MEGF6: variants seen among roughly 807,000 people sequenced by gnomAD.
MEGF6 encodes multiple EGF like domains 6, also known as multiple epidermal growth factor-like domains protein 6.
Under a neutral mutation model 207.1 loss-of-function variants are expected in MEGF6, and 184 were observed. The observed-to-expected ratio is 0.89, with a 90% CI of 0.79 to 1.00. The LOEUF is 1.00. Ranked by LOEUF, MEGF6 falls within the 50% of genes least tolerant of loss-of-function variation. The pLI, the probability that MEGF6 is intolerant of heterozygous loss-of-function variation, is 0.00. For missense variants in MEGF6, 2,282 were observed against 2,202.9 expected (o/e 1.04, Z -0.72); for synonymous variants, 1,038 against 910.0 (o/e 1.14, Z -2.53).
intron 2 of MEGF6, among the ~76,000 whole-genome samples, chr1:3,601,095 A>G (rs1346074351): frequency 6.6e-6 from 1 of 152,018 alleles, no homozygotes; most frequent in African/African-American, 2.4e-5. Flanking sequence ...GAGGCTGAGG[A>G]CCCCGGCACA....
In MEGF6 at chr1:3,507,783, G is replaced by C. The variant is rs1167093849; in HGVS notation, c.1789+12C>G. On this transcript the variant is annotated intron_variant, in intron 14 of 36. Transcript: ENST00000356575. ...GGGTAATTCCAGAAGCACCAGAAGAGGCTGCACGCACCATCCTCACAGTTA... is the reference window on the plus strand; with the variant it reads ...GGGTAATTCCAGAAGCACCAGAAGACGCTGCACGCACCATCCTCACAGTTA... The C allele has an allele frequency of 2.5e-6, 4 of 1,612,604 alleles. No individual in the cohort carries two copies. In the African/African-American group the frequency reaches 4.0e-5, roughly 16 times the overall value.
At chr1:3,544,717 C>T (rs1487733643) in intron 4 of MEGF6, among the ~76,000 whole-genome samples, 1 of 152,208 alleles carries the variant, frequency 6.6e-6, no homozygotes, top group Non-Finnish European at 1.5e-5. Context: ...CACACCATGC[C>T]CCACCAAGGC....
chr1:3,547,617 C>G (rs2101566570), intron 4 of MEGF6, among the ~76,000 whole-genome samples: 1 of 152,284 alleles, frequency 6.6e-6, no homozygotes, highest in African/African-American at 2.4e-5. Flanking sequence ...CAGGCCCCAT[C>G]CTCCCTTCCT....
At chr1:3,604,053 C>T (rs1386647982) in intron 1 of MEGF6, among the ~76,000 whole-genome samples, 1 of 152,220 alleles carries the variant, frequency 6.6e-6, no homozygotes, top group African/African-American at 2.4e-5. Context: ...GGGGCTCCAC[C>T]AGGCTGCTGT....
rs923987576 is a variant in MEGF6 at position 3,594,150 on chromosome 1, G to A, written c.376+1188C>T. Among the ~76,000 whole-genome samples, 1 of 152,208 alleles carries A rather than the reference G, an allele frequency of 6.6e-6. No homozygotes were observed. Among genetic ancestry groups the A allele is most frequent in the Admixed American group, 6.5e-5 (1 of 15,284 alleles). On this transcript the variant is annotated intron_variant, in intron 3 of 36. Transcript: ENST00000356575. This position sits in a 1 kb window ranked among gnomAD's most constrained non-coding sequence, Gnocchi z 4.2. The stretch of plus-strand genomic sequence containing the variant: ...AAACCTCAACGTGGAGCGTGCTGGC[G>A]GGACATGGTGGCTCACACCTGTAAT...
intron 28 of MEGF6, 79 bp from the exon 29 acceptor site, chr1:3,496,862 A>T (rs12405358): frequency 6.6e-7 from 1 of 1,521,166 alleles, no homozygotes; most frequent in African/African-American, 1.4e-5. Flanking sequence ...GGCAGCTCTC[A>T]TGAGACCCCC....
Position 3,493,766 on chromosome 1 carries a change from C to G in MEGF6, c.4387+5G>C. On this transcript the variant is annotated splice_donor_5th_base_variant and intron_variant, in intron 34 of 36. Transcript: ENST00000356575. Reference sequence around the variant, plus strand: ...CGCCCTTCCTGGGCAGGACCCCAGACTCACCCAGGTTACAGGTGGCTCCTG... The same window carrying G: ...CGCCCTTCCTGGGCAGGACCCCAGAGTCACCCAGGTTACAGGTGGCTCCTG... 1 of 1,611,292 alleles carries G rather than the reference C, an allele frequency of 6.2e-7. No individual in the cohort carries two copies. The highest frequency in any genetic ancestry group is 8.5e-7 in the Non-Finnish European group (1 of 1,178,882).
Position 3,494,509 on chromosome 1 carries a change from G to A in MEGF6, c.4001-10C>T, listed in dbSNP as rs772590186. The A allele has an allele frequency of 8.8e-6, 14 of 1,584,734 alleles. No individual in the cohort carries two copies. The highest frequency in any genetic ancestry group is 1.3e-5 in the African/African-American group (1 of 74,476). On this transcript the variant is annotated splice_polypyrimidine_tract_variant and intron_variant, in intron 31 of 36. Transcript: ENST00000356575. ...CGCCCAGGGGGACAGGCTGGGGACA[G>A]GGCAGGGTGGGCAGTCCTTCGGCAC... is the stretch of plus-strand genomic sequence containing the variant.
At position 3,494,289 on chromosome 1, in the gene MEGF6, C is replaced by T. The variant is rs560286745; in HGVS notation, c.4129+82G>A. ...GGCTCCCCACCTCCCCACCACTTCA[C>T]TGCTGCCTGGATCACCCACACGGGA... On this transcript the variant is annotated intron_variant, in intron 32 of 36. Coordinates refer to ENST00000356575, the MANE Select transcript of MEGF6 (RefSeq NM_001409.4). 5.0e-4 allele frequency: 741 copies of T among 1,485,020 alleles called. 5 individuals are homozygous for T. The African/African-American group carries it at 8.9e-3, about 18-fold the overall frequency. The allele number at this position is 1,485,020 out of a possible 1,614,324, so 92.0% of individuals were successfully genotyped here. A position where few individuals can be genotyped will look rare whatever the true frequency, so the allele number is the denominator to read the frequency against.
upstream of MEGF6, among the ~76,000 whole-genome samples, chr1:3,612,056 C>T (rs1217139921): frequency 2.0e-5 from 3 of 152,234 alleles, no homozygotes; most frequent in East Asian, 3.9e-4. Context: ...ACCTCACCCA[C>T]TTCCCGCAGG....
In MEGF6 at chr1:3,490,974, G is replaced by A; in HGVS notation, c.4517-15C>T. 1 of 1,591,130 alleles carries A rather than the reference G, an allele frequency of 6.3e-7. No individual in the cohort carries two copies. The highest frequency in any genetic ancestry group is 8.5e-7 in the Non-Finnish European group (1 of 1,171,994). ...GAGGGGCCCACCTGGAGGGGAGAGA[G>A]AGCAGGCCATGTTAGTACCCCCAGC... On this transcript the variant is annotated splice_polypyrimidine_tract_variant and intron_variant, in intron 35 of 36. Transcript: ENST00000356575.
At chr1:3,528,428 G>C (rs1441508553) in intron 4 of MEGF6, among the ~76,000 whole-genome samples, 1 of 152,230 alleles carries the variant, frequency 6.6e-6, no homozygotes, top group Non-Finnish European at 1.5e-5. Flanking sequence ...CGTAGGCGCA[G>C]TGGCCTTTCA....
intron 4 of MEGF6, among the ~76,000 whole-genome samples, chr1:3,526,115 C>T (rs1641952561): frequency 6.6e-6 from 1 of 152,326 alleles, no homozygotes; most frequent in South Asian, 2.1e-4. Flanking sequence ...GAGAACACGC[C>T]ATGACCCCCA....
At chr1:3,543,080 G>A (rs1290912837) in intron 4 of MEGF6, among the ~76,000 whole-genome samples, 1 of 152,228 alleles carries the variant, frequency 6.6e-6, no homozygotes, top group Admixed American at 6.5e-5. Flanking sequence ...AGCCCACTCC[G>A]GACTGCCCAG....
chr1:3,530,088 T>C (rs1642097804), intron 4 of MEGF6, among the ~76,000 whole-genome samples: 2 of 152,208 alleles, frequency 1.3e-5, no homozygotes, highest in African/African-American at 4.8e-5. Context: ...AGGCCTTGGA[T>C]GCTTCGCAGT....
chr1:3,611,450 C>G lies in MEGF6; in HGVS notation c.-182G>C. ...CCCGCCCGCGCCCAAAGTGGCACCG[C>G]GGAGACCTGATCGCCGGGTCCACCC... On this transcript the variant is annotated 5_prime_UTR_variant, in exon 1 of 37. Coordinates refer to ENST00000356575, the MANE Select transcript of MEGF6 (RefSeq NM_001409.4). The G allele has an allele frequency of 1.2e-6, 1 of 804,672 alleles. No homozygotes were observed. Among genetic ancestry groups the G allele is most frequent in the African/African-American group, 1.8e-5 (1 of 54,926 alleles). 49.8% of individuals were successfully genotyped at this position (804,672 alleles called of 1,614,324 possible).
intron 4 of MEGF6, among the ~76,000 whole-genome samples, chr1:3,579,415 C>T (rs1643736760): frequency 1.3e-5 from 2 of 152,320 alleles, no homozygotes; most frequent in South Asian, 2.1e-4. Flanking sequence ...AACCAGTCGC[C>T]TTGGCTAAGA....
chr1:3,619,174 C>A, the MEGF6 span, among the ~76,000 whole-genome samples: 7 of 152,328 alleles, frequency 4.6e-5, no homozygotes, highest in East Asian at 1.2e-3. Context: ...GAAGACCTCG[C>A]ATGGGTGATG....
intron 4 of MEGF6, among the ~76,000 whole-genome samples, chr1:3,540,505 C>T (rs1452789308): frequency 6.6e-6 from 1 of 152,224 alleles, no homozygotes. Flanking sequence ...GATGCTGAGG[C>T]CTCACCACAC....
Sources: allele counts gnomAD v4.1 joint callset (sites outside exome capture counted in the v4.1 genomes callset), GRCh38; gene constraint gnomAD v4.1.1; non-coding constraint Gnocchi (gnomAD v3.1); transcripts MANE v1.5; gene names NCBI Gene and HGNC (gene_info 2026-07-23, HGNC 2026-07-21).